PDK3: variants seen among roughly 807,000 people sequenced by gnomAD.
The protein encoded by PDK3 is pyruvate dehydrogenase kinase, isozyme 3.
A neutral mutation model predicts 32.0 loss-of-function variants in PDK3; 12 were observed. The observed-to-expected ratio is 0.37, with a 90% CI of 0.24 to 0.61. PDK3 has a LOEUF of 0.61. Among genes scored for constraint, PDK3 ranks in the 20% least tolerant of loss-of-function variants. PDK3 has a pLI of 0.65. For missense variants in PDK3, 188 were observed against 316.9 expected, an observed-to-expected ratio of 0.59 and a Z score of 3.09; for synonymous variants, 122 against 116.3, an observed-to-expected ratio of 1.05 and a Z score of -0.31.
chrX:24,480,402 A>G (rs974418719), intron 1 of PDK3, among the ~76,000 whole-genome samples: 7 of 112,067 alleles, frequency 6.2e-5, no homozygotes, highest in Non-Finnish European at 1.3e-4. Flanking sequence ...TGAATTTTCT[A>G]TGATTAGATG....
At chrX:24,490,165 T>TG (rs1411032480) in intron 1 of PDK3, among the ~76,000 whole-genome samples, 5 of 111,721 alleles carry the variant, frequency 4.5e-5, no homozygotes, top group African/African-American at 9.8e-5. Flanking sequence ...TTTATAGAGA[T>TG]GGGGGTCTTG....
intron 9 of PDK3, among the ~76,000 whole-genome samples, chrX:24,530,559 G>A (rs1253619042): frequency 1.8e-5 from 2 of 111,496 alleles, no homozygotes; most frequent in African/African-American, 6.5e-5. Flanking sequence ...AACTGGGTCT[G>A]TCTGAGTCTA....
intron 5 of PDK3, among the ~76,000 whole-genome samples, chrX:24,515,049 C>A (rs760330517): frequency 8.9e-6 from 1 of 112,146 alleles, no homozygotes; most frequent in Non-Finnish European, 1.9e-5. Flanking sequence ...GTCAGAGGAT[C>A]GTTCCATTTA....
Position 24,534,114 on chromosome X carries a change from G to A in PDK3, c.*42G>A, listed in dbSNP as rs201958130. The A allele has an allele frequency of 6.1e-6, 7 of 1,147,037 alleles. No homozygotes were observed. The African/African-American group carries it at 1.3e-4, about 21-fold the overall frequency. The allele number at this position is 1,147,037 out of a possible 1,213,427, so 94.5% of individuals were successfully genotyped here. A position where few individuals can be genotyped will look rare whatever the true frequency, so the allele number is the denominator to read the frequency against. ...CCATTACAAAGTATCTGATTTGTCT[G>A]AATAAAGGTGTCCCACTCACTGTTC... is the stretch of plus-strand genomic sequence containing the variant. On this transcript the variant is annotated 3_prime_UTR_variant, in exon 11 of 11. Transcript: ENST00000379162.
chrX:24,468,314 T>G (rs1940081959), intron 1 of PDK3, among the ~76,000 whole-genome samples: 1 of 111,637 alleles, frequency 9.0e-6, no homozygotes. Context: ...GTAGGAGCTG[T>G]CTTGTGCACT....
downstream of PDK3, among the ~76,000 whole-genome samples, chrX:24,534,687 G>A (rs1305209210): frequency 8.9e-6 from 1 of 112,821 alleles, no homozygotes; most frequent in African/African-American, 3.2e-5. Flanking sequence ...GGTGGCTCAC[G>A]CCTGTAATCC....
intron 2 of PDK3, among the ~76,000 whole-genome samples, chrX:24,496,771 CTTTTTTTTTTTTTTT>C (rs376346872): frequency 5.7e-5 from 2 of 35,393 alleles, no homozygotes; most frequent in Non-Finnish European, 9.3e-5. Flanking sequence ...TCAAAATAAT[CTTTTTTTTTTTTTTT>C]TTTTTTTTTT....
At position 24,465,324 on chromosome X, in the gene PDK3, C is replaced by T. The variant is rs1940050882; in HGVS notation, c.-132C>T. 7.9e-6 allele frequency: 3 copies of T among 381,129 alleles called. No individual in the cohort carries two copies. The highest frequency in any genetic ancestry group is 6.2e-5 in the Admixed American group (1 of 16,044). 31.4% of individuals were successfully genotyped at this position (381,129 alleles called of 1,213,427 possible). On this transcript the variant is annotated 5_prime_UTR_variant, in exon 1 of 11. Coordinates refer to ENST00000379162, the MANE Select transcript of PDK3 (RefSeq NM_005391.5). Reference sequence around the variant, plus strand: ...TGCTGCTGCTGCTGCGGCGGCTGCACCGGCGGCGCCGAGGCCGAGATCGAG... The same window carrying T: ...TGCTGCTGCTGCTGCGGCGGCTGCATCGGCGGCGCCGAGGCCGAGATCGAG...
intron 4 of PDK3, among the ~76,000 whole-genome samples, chrX:24,503,940 C>CA (rs1372785680): frequency 2.7e-5 from 3 of 112,255 alleles, no homozygotes; most frequent in African/African-American, 9.7e-5. Context: ...TGATAGGAGC[C>CA]ATCAGTTCTT....
At chrX:24,498,976 T>G (rs1032557771) in intron 3 of PDK3, 76 bp downstream of exon 3, 1 of 597,947 alleles carries the variant, frequency 1.7e-6, no homozygotes, top group East Asian at 3.6e-5. Context: ...TTCAAGTCAT[T>G]AAGACTCAAG....
intron 3 of PDK3, among the ~76,000 whole-genome samples, chrX:24,501,940 G>C (rs1158265392): frequency 8.9e-6 from 1 of 111,923 alleles, no homozygotes; most frequent in Non-Finnish European, 1.9e-5. Flanking sequence ...TGACGTTATT[G>C]GCATTTGTGC....
At chrX:24,525,633 C>T (rs1194894886) in intron 6 of PDK3, among the ~76,000 whole-genome samples, 2 of 111,803 alleles carry the variant, frequency 1.8e-5, no homozygotes, top group African/African-American at 6.5e-5. Context: ...TCAGATGACC[C>T]ATGGTGCAAG....
rs1455695235 is a variant in PDK3, at chrX:24,494,732, G to C, written c.107-10G>C. On this transcript the variant is annotated splice_polypyrimidine_tract_variant and intron_variant, in intron 1 of 10. Transcript: ENST00000379162. ...TATAAAATCATGGAACATTTTTCAT[G>C]TCTTAATAGGGAGAGATAATGCATG... 4 of 1,169,045 alleles carry C rather than the reference G, an allele frequency of 3.4e-6. No individual in the cohort carries two copies. The highest frequency in any genetic ancestry group is 4.6e-6 in the Non-Finnish European group (4 of 863,745).
exon 12 of PDK3, among the ~76,000 whole-genome samples, chrX:24,541,885 C>CT (rs1225181798): frequency 8.9e-6 from 1 of 112,254 alleles, no homozygotes; most frequent in South Asian, 3.7e-4. Context: ...TTCATTTACT[C>CT]TATTTTATTT....
At chrX:24,468,727 CA>C (rs1457688621) in intron 1 of PDK3, among the ~76,000 whole-genome samples, 1 of 112,382 alleles carries the variant, frequency 8.9e-6, no homozygotes, top group Non-Finnish European at 1.9e-5. Context: ...TCTTGAACTC[CA>C]TCTTGACTTG....
intron 1 of PDK3, among the ~76,000 whole-genome samples, chrX:24,479,784 C>CA (rs1217502840): frequency 1.2e-4 from 12 of 103,225 alleles, no homozygotes; most frequent in South Asian, 4.3e-4. Flanking sequence ...GACTCCGTCT[C>CA]AAAAAAAACA....
chrX:24,531,069 G>T (rs1445380920), intron 9 of PDK3, among the ~76,000 whole-genome samples: 1 of 109,939 alleles, frequency 9.1e-6, no homozygotes. Context: ...GTGTGTGTGT[G>T]TGTGTGTGTG....
intron 1 of PDK3, among the ~76,000 whole-genome samples, chrX:24,488,427 G>A (rs1484515897): frequency 6.2e-5 from 7 of 112,349 alleles, no homozygotes; most frequent in Admixed American, 4.7e-4. Context: ...AGTGGCTCAC[G>A]CCTGTAATCC....
intron 1 of PDK3, among the ~76,000 whole-genome samples, chrX:24,475,924 T>G (rs1212559590): frequency 9.0e-6 from 1 of 111,671 alleles, no homozygotes; most frequent in East Asian, 2.8e-4. Flanking sequence ...GTTACTGATC[T>G]ATTGATGGTT....
Sources: allele counts gnomAD v4.1 joint callset (sites outside exome capture counted in the v4.1 genomes callset), GRCh38; gene constraint gnomAD v4.1.1; transcripts MANE v1.5; gene names NCBI Gene and HGNC (gene_info 2026-07-23, HGNC 2026-07-21).